GRIK1: variants seen among roughly 807,000 people sequenced by gnomAD.
GRIK1 encodes glutamate receptor ionotropic, kainate 1.
Under a neutral mutation model 105.7 loss-of-function variants are expected in GRIK1, and 69 were observed. That is an observed-to-expected ratio of 0.65 (90% confidence interval 0.54 to 0.80). The LOEUF is 0.80. GRIK1 is among the 30% of genes least tolerant of loss of function. The pLI, the probability that GRIK1 is intolerant of heterozygous loss-of-function variation, is 0.00. For missense variants in GRIK1, 1,109 were observed against 1,167.3 expected, an observed-to-expected ratio of 0.95 and a Z score of 0.73; for synonymous variants, 438 against 431.3, an observed-to-expected ratio of 1.02 and a Z score of -0.19.
chr21:29,627,436 A>G (rs114838080), intron 7 of GRIK1, among the ~76,000 whole-genome samples: 1 of 152,212 alleles, frequency 6.6e-6, no homozygotes, highest in African/African-American at 2.4e-5. Context: ...TTCTGCTGGC[A>G]ATGACACTGA....
At chr21:29,868,617 T>C (rs2068906233) in intron 1 of GRIK1, among the ~76,000 whole-genome samples, 1 of 152,178 alleles carries the variant, frequency 6.6e-6, no homozygotes, top group Non-Finnish European at 1.5e-5. Flanking sequence ...GGAGTTTCTG[T>C]CCCTTCCTCC....
chr21:29,937,682 T>G (rs147946450), intron 1 of GRIK1, among the ~76,000 whole-genome samples: 17 of 152,288 alleles, frequency 1.1e-4, no homozygotes, highest in African/African-American at 3.4e-4. Context: ...ATTTCTAGCA[T>G]CCCTAGATTT....
In GRIK1 at chr21:29,583,212, C is replaced by A. The variant is rs1393403132; in HGVS notation, c.1794-1669G>T. ...TATAGCTTTAATTGACAATGCCATG[C>A]CAACACATTTTAATTAATGTTTCAA... On this transcript the variant is annotated intron_variant, in intron 12 of 17. Coordinates refer to ENST00000327783, the MANE Select transcript of GRIK1 (RefSeq NM_001330994.2). 2.0e-5 allele frequency among the ~76,000 whole-genome samples: 3 copies of A among 152,184 alleles called. No homozygotes were observed. The East Asian group carries it at 5.8e-4, about 29-fold the overall frequency.
At chr21:29,746,985 A>G (rs62209655) in intron 1 of GRIK1, among the ~76,000 whole-genome samples, 219 of 152,332 alleles carry the variant, frequency 1.4e-3, no homozygotes, top group Non-Finnish European at 2.8e-3. Context: ...CGGTTTACTT[A>G]GAGTGAATTT....
In GRIK1 at chr21:29,651,230, C is replaced by A. The variant is rs928204075; in HGVS notation, c.842G>T (p.Arg281Leu). The A allele has an allele frequency of 6.2e-7, 1 of 1,613,582 alleles. No homozygotes were observed. Among genetic ancestry groups the A allele is most frequent in the Admixed American group, 1.7e-5 (1 of 60,008 alleles). ...RYSGVNMTGF[R>L]LLNIDNPHVS... ...GTGAGGGTTGTCAATGTTAAGCAGC[C>A]GAAACCCGGTCATGTTTACGCCACT... Residue 281 changes from arginine to leucine, a missense_variant, in exon 6 of 18, where the codon CGG becomes CTG. By Grantham distance (102) the Arg-to-Leu change is moderately radical. Around this residue, in one of 5 missense-constraint regions of GRIK1, gnomAD observed 612 missense variants for 586.0 expected, o/e 1.04. Transcript: ENST00000327783.
intron 9 of GRIK1, among the ~76,000 whole-genome samples, chr21:29,592,430 T>C (rs2061346569): frequency 6.6e-6 from 1 of 152,158 alleles, no homozygotes; most frequent in South Asian, 2.1e-4. Flanking sequence ...GGTTGTGAGG[T>C]GGTGTAGAAG....
At chr21:29,605,926 A>C (rs1335937959) in intron 7 of GRIK1, among the ~76,000 whole-genome samples, 2 of 152,096 alleles carry the variant, frequency 1.3e-5, no homozygotes, top group East Asian at 3.9e-4. Flanking sequence ...ACTCAAGGTT[A>C]ACTTTCCTTG....
At chr21:29,855,750 C>T (rs558491818) in intron 1 of GRIK1, among the ~76,000 whole-genome samples, 2 of 152,120 alleles carry the variant, frequency 1.3e-5, no homozygotes, top group East Asian at 3.9e-4. Flanking sequence ...GGTTATGAAA[C>T]CAAATAAACA....
chr21:29,633,281 A>G (rs2062323127), intron 7 of GRIK1, among the ~76,000 whole-genome samples: 1 of 152,144 alleles, frequency 6.6e-6, no homozygotes, highest in Non-Finnish European at 1.5e-5. Flanking sequence ...TGGGCAGATC[A>G]TGAAGTCAAG....
chr21:29,786,511 T>C (rs149066443), intron 1 of GRIK1, among the ~76,000 whole-genome samples: 21 of 152,302 alleles, frequency 1.4e-4, no homozygotes, highest in African/African-American at 4.1e-4. Context: ...TGTAGTTATA[T>C]TTTGCCTATC....
At chr21:29,866,158 C>T (rs981286505) in intron 1 of GRIK1, among the ~76,000 whole-genome samples, 1 of 152,084 alleles carries the variant, frequency 6.6e-6, no homozygotes, top group African/African-American at 2.4e-5. Context: ...CCTCAACCTC[C>T]CAGGTTCAAT....
chr21:29,886,494 T>C (rs180793043), intron 1 of GRIK1, among the ~76,000 whole-genome samples: 67 of 152,238 alleles, frequency 4.4e-4, no homozygotes, highest in African/African-American at 1.6e-3. Context: ...ACACTTATTA[T>C]AAAGATGGAG....
intron 6 of GRIK1, among the ~76,000 whole-genome samples, chr21:29,643,693 A>G (rs932200275): frequency 5.3e-5 from 8 of 151,120 alleles, no homozygotes; most frequent in Non-Finnish European, 1.2e-4. Context: ...ATTTTACATA[A>G]TACAGCATTT....
At chr21:29,557,350 A>G (rs1404548613) in intron 15 of GRIK1, among the ~76,000 whole-genome samples, 2 of 152,226 alleles carry the variant, frequency 1.3e-5, no homozygotes, top group African/African-American at 4.8e-5. Context: ...TTCAGTACAC[A>G]TTCCATTTTA....
intron 1 of GRIK1, among the ~76,000 whole-genome samples, chr21:29,920,331 A>G (rs1372627964): frequency 5.3e-5 from 8 of 152,110 alleles, no homozygotes; most frequent in Admixed American, 5.2e-4. Flanking sequence ...GTATTAATAA[A>G]GAGCTAAATT....
intron 4 of GRIK1, among the ~76,000 whole-genome samples, chr21:29,663,798 C>T (rs746534294): frequency 1.3e-5 from 2 of 152,046 alleles, no homozygotes; most frequent in Non-Finnish European, 2.9e-5. Flanking sequence ...TGGCACTCAG[C>T]AATTTCAAAC....
At chr21:29,685,785 C>T (rs2063476654) in intron 3 of GRIK1, among the ~76,000 whole-genome samples, 1 of 152,192 alleles carries the variant, frequency 6.6e-6, no homozygotes, top group Non-Finnish European at 1.5e-5. Flanking sequence ...CAAGGTCTTT[C>T]TGACTTTCTC....
intron 1 of GRIK1, among the ~76,000 whole-genome samples, chr21:29,867,876 A>G (rs8131647): frequency 1.3e-3 from 22 of 16,868 alleles, no homozygotes; most frequent in South Asian, 7.2e-3. Context: ...GAAAGAGAGA[A>G]AGAGAGAGAA....
At chr21:29,575,658 CCT>C (rs1347809526) in intron 14 of GRIK1, among the ~76,000 whole-genome samples, 9 of 151,916 alleles carry the variant, frequency 5.9e-5, no homozygotes, top group Admixed American at 2.0e-4. Context: ...ATGGTGAAAC[CCT>C]GTCTCTACTA....
Sources: gnomAD v4.1 joint callset for allele counts (sites outside exome capture counted in the v4.1 genomes callset) on GRCh38, gnomAD v4.1.1 for gene constraint, gnomAD v4.1.1 regional missense constraint, MANE v1.5 for transcripts, NCBI Gene and HGNC (gene_info 2026-07-23, HGNC 2026-07-21) for gene names.